Variants in NAV1 observed in about 807,000 individuals in gnomAD.
NAV1 encodes pore membrane and/or filament interacting like protein 3.
In NAV1, 18 loss-of-function variants were observed where a neutral mutation model predicts 175.2. The observed-to-expected ratio is 0.10, with a 90% CI of 0.07 to 0.15. The LOEUF (loss-of-function observed/expected upper bound fraction) is 0.15. Among genes scored for constraint, NAV1 ranks in the 10% least tolerant of loss-of-function variants. The pLI is 1.00. For missense variants in NAV1, 1,731 were observed against 2,436.6 expected (o/e 0.71, Z 6.10); for synonymous variants, 897 against 978.7 (o/e 0.92, Z 1.56).
intron 28 of NAV1, among the ~76,000 whole-genome samples, chr1:201,815,934 C>T (rs1445562399): frequency 5.9e-5 from 9 of 152,050 alleles, no homozygotes; most frequent in Non-Finnish European, 1.3e-4. Flanking sequence ...GACAGGGTTT[C>T]TCCTTGTTGG....
At chr1:201,756,862 T>TTCTTTCTTTC (rs1674532956) in intron 3 of NAV1, among the ~76,000 whole-genome samples, 3 of 100,796 alleles carry the variant, frequency 3.0e-5, no homozygotes, top group Non-Finnish European at 4.5e-5. Flanking sequence ...CTTTCTTTCT[T>TTCTTTCTTTC]TCTTTCTTTC....
intron 1 of NAV1, among the ~76,000 whole-genome samples, chr1:201,650,945 G>A (rs1263841578): frequency 6.6e-6 from 1 of 152,194 alleles, no homozygotes; most frequent in African/African-American, 2.4e-5. Flanking sequence ...GTGGGGCTGA[G>A]CCTGTCAAAG....
At chr1:201,577,914 C>T (rs1666740820) in intron 1 of NAV1, among the ~76,000 whole-genome samples, 1 of 152,170 alleles carries the variant, frequency 6.6e-6, no homozygotes, top group African/African-American at 2.4e-5. Context: ...TGTTTCTCTT[C>T]CTGCTTTCAA....
chr1:201,622,245 G>A (rs1668195338), upstream of NAV1, among the ~76,000 whole-genome samples: 5 of 152,322 alleles, frequency 3.3e-5, no homozygotes, highest in Admixed American at 6.5e-5. Context: ...GAGGGCCCAG[G>A]GAATGGCAGG....
At chr1:201,792,001 G>A (rs1025930601) in intron 13 of NAV1, 2 of 152,078 alleles carry the variant, frequency 1.3e-5, no homozygotes, top group African/African-American at 4.8e-5. Flanking sequence ...GGGAGGCAGA[G>A]AACATTATTA....
Position 201,750,615 on chromosome 1 carries a change from A to T in NAV1, c.1227-29806A>T, listed in dbSNP as rs79275199. On this transcript the variant is annotated intron_variant, in intron 3 of 29. Coordinates refer to ENST00000367296, the Ensembl canonical transcript of NAV1. This position sits in a 1 kb window ranked among gnomAD's most constrained non-coding sequence, Gnocchi z 4.1. ...GCTCTCCCCAAGTCAGACAGAGGAC[A>T]TATTTTTAGTGCTCAAGTCATAGCT... 0.011 allele frequency among the ~76,000 whole-genome samples: 1,658 copies of T among 152,278 alleles called. 51 individuals are homozygous for T. The highest frequency in any genetic ancestry group is 0.11 in the East Asian group (562 of 5,178).
chr1:201,758,005 T>C (rs1052888922), intron 3 of NAV1, among the ~76,000 whole-genome samples: 1 of 152,232 alleles, frequency 6.6e-6, no homozygotes, highest in Non-Finnish European at 1.5e-5. Flanking sequence ...CATCCATATG[T>C]CTCAGTATGG....
At chr1:201,689,030 C>T (rs756780553) in intron 1 of NAV1, among the ~76,000 whole-genome samples, 12 of 152,178 alleles carry the variant, frequency 7.9e-5, no homozygotes, top group Non-Finnish European at 1.5e-4. Context: ...TCAAATTAAC[C>T]AGGTACCTTC....
chr1:201,688,544 T>C (rs1356296579), intron 1 of NAV1: 1 of 152,248 alleles, frequency 6.6e-6, no homozygotes, highest in Non-Finnish European at 1.5e-5. Flanking sequence ...CCATCCATGA[T>C]ATTTACATCC....
intron 29 of NAV1, among the ~76,000 whole-genome samples, chr1:201,817,945 C>T (rs1161476338): frequency 6.6e-6 from 1 of 151,994 alleles, no homozygotes; most frequent in African/African-American, 2.4e-5. Flanking sequence ...AAGATATAAA[C>T]AGCTGGGCAC....
At chr1:201,767,141 A>G (rs1675258817) in intron 3 of NAV1, among the ~76,000 whole-genome samples, 1 of 150,646 alleles carries the variant, frequency 6.6e-6, no homozygotes, top group African/African-American at 2.4e-5. Context: ...TTTAAATGTT[A>G]TAGTAGAAAC....
At chr1:201,557,153 T>G (rs1438229226) in intron 1 of NAV1, among the ~76,000 whole-genome samples, 1 of 152,212 alleles carries the variant, frequency 6.6e-6, no homozygotes, top group Non-Finnish European at 1.5e-5. Context: ...CCAACTGTGA[T>G]GGTGAAATGC....
At chr1:201,690,718 T>C (rs1670889155) in intron 1 of NAV1, among the ~76,000 whole-genome samples, 1 of 151,780 alleles carries the variant, frequency 6.6e-6, no homozygotes. Flanking sequence ...CTCCTTGGCC[T>C]GTCCGTGGCA....
At chr1:201,741,367 G>A (rs1420668761) in intron 3 of NAV1, among the ~76,000 whole-genome samples, 1 of 152,114 alleles carries the variant, frequency 6.6e-6, no homozygotes, top group Non-Finnish European at 1.5e-5. Flanking sequence ...GGGTCACTTT[G>A]CCAAAATGGC....
At chr1:201,702,264 CTT>C (rs2102444765) in intron 1 of NAV1, among the ~76,000 whole-genome samples, 1 of 152,228 alleles carries the variant, frequency 6.6e-6, no homozygotes, top group East Asian at 1.9e-4. Flanking sequence ...GGCCACAGGG[CTT>C]CTTATTGGAA....
At chr1:201,781,164 G>T in exon 5 of NAV1, 1 of 1,614,162 alleles carries the variant, frequency 6.2e-7, no homozygotes, top group Non-Finnish European at 8.5e-7. Flanking sequence ...AGCGGCCTGA[G>T]AGCTGTGATG....
intron 8 of NAV1, 109 bp downstream of exon 12, chr1:201,785,460 T>A: frequency 8.6e-7 from 1 of 1,159,206 alleles, no homozygotes; most frequent in Non-Finnish European, 1.3e-6. Flanking sequence ...GTCACCCTTT[T>A]AGCTGAATCA....
intron 28 of NAV1, among the ~76,000 whole-genome samples, chr1:201,814,436 C>T (rs1678895775): frequency 1.3e-5 from 2 of 151,788 alleles, no homozygotes; most frequent in Admixed American, 6.6e-5. Flanking sequence ...ATGTCATTTT[C>T]TTAAAACCAC....
chr1:201,794,067 T>C, intron 14 of NAV1, 192 bp downstream of exon 18: 2 of 703,998 alleles, frequency 2.8e-6, no homozygotes, highest in African/African-American at 1.7e-5. Context: ...TGCCCTTCTC[T>C]ATCAAGTTTT....
Sources: gnomAD v4.1 joint callset for allele counts (sites outside exome capture counted in the v4.1 genomes callset) on GRCh38, gnomAD v4.1.1 for gene constraint, Gnocchi (gnomAD v3.1) non-coding constraint, MANE v1.5 for transcripts, NCBI Gene and HGNC (gene_info 2026-07-23, HGNC 2026-07-21) for gene names.